The following ARHGAP24 variants were observed in gnomAD, a reference collection of about 807,000 sequenced individuals.
ARHGAP24 encodes the protein rho GTPase-activating protein 24.
Under a neutral mutation model 76.4 loss-of-function variants are expected in ARHGAP24, and 50 were observed. The observed-to-expected ratio is 0.65, with a 90% CI of 0.52 to 0.83. ARHGAP24 has a LOEUF of 0.83. Among genes scored for constraint, ARHGAP24 ranks in the 40% least tolerant of loss-of-function variants. ARHGAP24 has a pLI of 0.00. For synonymous variants in ARHGAP24, 345 were observed against 323.3 expected (o/e 1.07, Z -0.72); for missense variants, 930 against 914.2 (o/e 1.02, Z -0.22).
At position 85,554,707 on chromosome 4, in the gene ARHGAP24, G is replaced by A. The variant is rs1292989121; in HGVS notation, c.-20-15815G>A. On this transcript the variant is annotated intron_variant, in intron 1 of 9. Coordinates refer to ENST00000395184, the MANE Select transcript of ARHGAP24 (RefSeq NM_001025616.3). ...GATGGAGTCTCACTCTGTCACCCAGGCTGGAGTGTTTGTAGTGCAGTGGTG... is the reference window on the plus strand; with the variant it reads ...GATGGAGTCTCACTCTGTCACCCAGACTGGAGTGTTTGTAGTGCAGTGGTG... Among the ~76,000 whole-genome samples the A allele has an allele frequency of 1.3e-4, 19 of 151,994 alleles. 1 individual carries two copies. Among genetic ancestry groups the A allele is most frequent in the Non-Finnish European group, 1.5e-5 (1 of 68,020 alleles).
intron 2 of ARHGAP24, among the ~76,000 whole-genome samples, chr4:85,579,493 GTTT>G (rs5859985): frequency 7.8e-6 from 1 of 128,792 alleles, no homozygotes; most frequent in African/African-American, 2.8e-5. Flanking sequence ...TCTCTTTTAG[GTTT>G]TTTTTTTTTT....
intron 8 of ARHGAP24, among the ~76,000 whole-genome samples, chr4:85,989,326 A>G (rs1025703127): frequency 1.3e-5 from 2 of 151,628 alleles, no homozygotes; most frequent in Admixed American, 6.6e-5. Context: ...GATACAAACC[A>G]AAGCTCCCTC....
At chr4:85,940,356 G>T (rs910545367) in intron 4 of ARHGAP24, among the ~76,000 whole-genome samples, 23 of 151,856 alleles carry the variant, frequency 1.5e-4, no homozygotes, top group African/African-American at 5.6e-4. Flanking sequence ...AAAGATGACT[G>T]TAACAAGAGC....
At chr4:85,665,168 T>G (rs1048306901) in intron 2 of ARHGAP24, among the ~76,000 whole-genome samples, 2 of 152,198 alleles carry the variant, frequency 1.3e-5, no homozygotes, top group Non-Finnish European at 2.9e-5. Flanking sequence ...TGTAGGTCAC[T>G]AAGGACTTGC....
At chr4:85,682,862 A>G (rs1578137099) in intron 2 of ARHGAP24, among the ~76,000 whole-genome samples, 1 of 152,176 alleles carries the variant, frequency 6.6e-6, no homozygotes, top group Admixed American at 6.5e-5. Context: ...GTGTCTCACT[A>G]AGGTAGCCAA....
intron 3 of ARHGAP24, among the ~76,000 whole-genome samples, chr4:85,878,744 A>G (rs1733077133): frequency 6.6e-6 from 1 of 152,152 alleles, no homozygotes; most frequent in Non-Finnish European, 1.5e-5. Context: ...GGATCTTGCT[A>G]TTCTTGAAGC....
At chr4:85,668,254 A>G (rs1578126034) in intron 2 of ARHGAP24, among the ~76,000 whole-genome samples, 3 of 152,196 alleles carry the variant, frequency 2.0e-5, no homozygotes, top group African/African-American at 7.2e-5. Flanking sequence ...ATAATTTGTA[A>G]TTTTCTCTGT....
At chr4:85,813,818 T>TTATATATATATATATATATATTTATTTTA (rs1729117316) in intron 3 of ARHGAP24, among the ~76,000 whole-genome samples, 9 of 137,142 alleles carry the variant, frequency 6.6e-5, no homozygotes, top group Admixed American at 4.4e-4. Flanking sequence ...TATATTTATT[T>TTATATATATATATATATATATTTATTTTA]TATATATATA....
intron 3 of ARHGAP24, among the ~76,000 whole-genome samples, chr4:85,773,886 C>T (rs572783381): frequency 1.3e-5 from 2 of 152,188 alleles, no homozygotes; most frequent in South Asian, 4.1e-4. Flanking sequence ...AATATTTTAG[C>T]TTTGATCCAC....
intron 1 of ARHGAP24, among the ~76,000 whole-genome samples, chr4:85,563,588 C>G (rs1275077554): frequency 6.6e-6 from 1 of 152,208 alleles, no homozygotes; most frequent in Non-Finnish European, 1.5e-5. Flanking sequence ...TACCATCACA[C>G]TGGGTGTTGG....
At chr4:85,968,180 A>G (rs1236810317) in intron 5 of ARHGAP24, among the ~76,000 whole-genome samples, 1 of 152,150 alleles carries the variant, frequency 6.6e-6, no homozygotes, top group Non-Finnish European at 1.5e-5. Flanking sequence ...AGCATCTCGT[A>G]TCTCAGTGAT....
chr4:85,623,608 T>A (rs1720806580), intron 2 of ARHGAP24, among the ~76,000 whole-genome samples: 1 of 152,162 alleles, frequency 6.6e-6, no homozygotes, highest in East Asian at 1.9e-4. Flanking sequence ...TTTAAAGTAG[T>A]TTTTTCCAAT....
At chr4:85,656,249 T>C (rs1036405977) in intron 2 of ARHGAP24, among the ~76,000 whole-genome samples, 1 of 152,150 alleles carries the variant, frequency 6.6e-6, no homozygotes, top group Non-Finnish European at 1.5e-5. Flanking sequence ...ATAAAACAAT[T>C]TGTGGAACCA....
intron 3 of ARHGAP24, chr4:85,778,974 T>A: frequency 3.0e-6 from 3 of 985,446 alleles, no homozygotes; most frequent in Non-Finnish European, 2.4e-6. Flanking sequence ...AGGTACTGTT[T>A]TTACTCATTT....
chr4:85,527,530 G>A (rs543017180), intron 1 of ARHGAP24, among the ~76,000 whole-genome samples: 32 of 152,118 alleles, frequency 2.1e-4, no homozygotes, highest in East Asian at 1.2e-3. Context: ...TCTTCTTAAC[G>A]TCTCTGTATT....
At position 86,000,737 on chromosome 4, in the gene ARHGAP24, G is replaced by A; in HGVS notation, c.*15G>A. The A allele has an allele frequency of 6.2e-7, 1 of 1,613,278 alleles. No homozygotes were observed. The highest frequency in any genetic ancestry group is 1.1e-5 in the South Asian group (1 of 91,010). On this transcript the variant is annotated 3_prime_UTR_variant, in exon 10 of 10. Transcript: ENST00000395184. ...GGATTCAGTGAGCCTGCTTTCGCCT[G>A]CTGTCTCTGATGGCTCTGGCAAGGA... is the stretch of plus-strand genomic sequence containing the variant.
At chr4:85,675,271 C>A (rs1297962629) in intron 2 of ARHGAP24, among the ~76,000 whole-genome samples, 1 of 152,110 alleles carries the variant, frequency 6.6e-6, no homozygotes, top group Non-Finnish European at 1.5e-5. Flanking sequence ...TCAGGGTTTC[C>A]TTCATGGAAG....
intron 2 of ARHGAP24, 57 bp from the exon 3 acceptor site, chr4:85,721,828 T>G: frequency 7.1e-7 from 1 of 1,404,722 alleles, no homozygotes; most frequent in Admixed American, 1.7e-5. Context: ...ATTATAATGA[T>G]GATATATGAT....
intron 3 of ARHGAP24, among the ~76,000 whole-genome samples, chr4:85,912,410 C>T (rs1252000716): frequency 1.3e-5 from 2 of 152,018 alleles, no homozygotes; most frequent in South Asian, 2.1e-4. Context: ...GCACAATGGA[C>T]GGTTAAGCTG....
Sources: allele counts gnomAD v4.1 joint callset (sites outside exome capture counted in the v4.1 genomes callset), GRCh38; gene constraint gnomAD v4.1.1; transcripts MANE v1.5; gene names NCBI Gene and HGNC (gene_info 2026-07-23, HGNC 2026-07-21).